Variants in CHD1L observed in about 807,000 individuals in gnomAD.
CHD1L encodes chromodomain helicase DNA binding protein 1 like, also known as ATP-dependent chromatin remodeler CHD1L.
A neutral mutation model predicts 115.9 loss-of-function variants in CHD1L; 118 were observed. The observed-to-expected ratio is 1.02, with a 90% confidence interval of 0.88 to 1.19. The LOEUF is 1.19. Among genes scored for constraint, CHD1L ranks in the 50% most tolerant of loss-of-function variants. CHD1L has a pLI of 0.00. For synonymous variants in CHD1L, 411 were observed against 387.1 expected, an observed-to-expected ratio of 1.06 and a Z score of -0.72; for missense variants, 1,179 against 1,065.3, an observed-to-expected ratio of 1.11 and a Z score of -1.49.
At chr1:147,210,869 G>A in the CHD1L span, 3 of 151,966 alleles carry the variant, frequency 2.0e-5, no homozygotes, top group Non-Finnish European at 4.4e-5. Context: ...TTTAATCAGT[G>A]TAATCTTATA....
At chr1:147,241,786 A>G (rs1272812021), upstream of CHD1L, among the ~76,000 whole-genome samples, 1 of 152,194 alleles carries the variant, frequency 6.6e-6, no homozygotes, top group African/African-American at 2.4e-5. Context: ...AGAAGGAAGC[A>G]CCAAGATTAA....
the CHD1L span, chr1:147,184,703 C>A: frequency 7.1e-7 from 1 of 1,413,212 alleles, no homozygotes; most frequent in South Asian, 1.8e-5. The surrounding 1 kb of genome is among the most constrained non-coding windows in gnomAD (Gnocchi z 4.4). Context: ...CTCAAAGGTA[C>A]ATACTATCAG....
chr1:147,191,845 G>T, the CHD1L span, among the ~76,000 whole-genome samples: 1 of 151,946 alleles, frequency 6.6e-6, no homozygotes, highest in African/African-American at 2.4e-5. Context: ...ATTTCTGAGG[G>T]CTCTGTCCTG....
rs1211794836 is a variant in CHD1L, at chr1:147,272,590, G to T, written c.1270+309G>T. ...GTGGAATGTTTCATTTACATTCAGTGGAAGTAGCTCTTCTTCCCAACCGTG... is the reference window on the plus strand; with the variant it reads ...GTGGAATGTTTCATTTACATTCAGTTGAAGTAGCTCTTCTTCCCAACCGTG... On this transcript the variant is annotated intron_variant, in intron 12 of 22. Coordinates refer to ENST00000369258, the MANE Select transcript of CHD1L (RefSeq NM_004284.6). The T allele has an allele frequency of 2.5e-5, 5 of 197,732 alleles. No homozygotes were observed. In the Admixed American group the frequency reaches 3.0e-4, roughly 12 times the overall value. The allele number at this position is 197,732 out of a possible 1,614,324, so 12.2% of individuals were successfully genotyped here. A position where few individuals can be genotyped will look rare whatever the true frequency, so the allele number is the denominator to read the frequency against.
chr1:147,271,094 A>C (rs1481422443), intron 11 of CHD1L, 89 bp downstream of exon 11: 2 of 1,120,450 alleles, frequency 1.8e-6, no homozygotes, highest in Non-Finnish European at 2.7e-6. Flanking sequence ...GGATATGAGA[A>C]TATTACAAAG....
rs1686385263 is a variant in CHD1L, at chr1:147,293,539, A to T, written c.2392-69A>T. On this transcript the variant is annotated intron_variant, in intron 20 of 22. Coordinates refer to ENST00000369258, the MANE Select transcript of CHD1L (RefSeq NM_004284.6). ...ACCCATCAAGGGCTGTGCCGCCTCC[A>T]TGGGCGGTCACTTGGTTGAGTGTGG... is the stretch of plus-strand genomic sequence containing the variant. 13 of 1,339,078 alleles carry T rather than the reference A, an allele frequency of 9.7e-6. No homozygotes were observed. In the South Asian group the frequency reaches 1.5e-4, roughly 16 times the overall value. 82.9% of individuals were successfully genotyped at this position (1,339,078 alleles called of 1,614,324 possible).
At position 147,266,092 on chromosome 1, in the gene CHD1L, T is replaced by C; in HGVS notation, c.895+5T>C. The C allele has an allele frequency of 6.2e-7, 1 of 1,605,898 alleles. No individual in the cohort carries two copies. Among genetic ancestry groups the C allele is most frequent in the Non-Finnish European group, 8.5e-7 (1 of 1,177,004 alleles). On this transcript the variant is annotated splice_donor_5th_base_variant and intron_variant, in intron 8 of 22. Transcript: ENST00000369258. ...CCATTTTGATGAAAGACCTAGGTAA[T>C]CAGAGGGCACTTGTCCATTTAGAAA...
Position 147,275,365 on chromosome 1 carries a change from A to C in CHD1L, c.1282A>C (p.Met428Leu). Reference sequence around the variant, plus strand: ...TGCATTGTTTTCAGGTGGAGTTGGCATGAACTTAACAGCAGCAGATACTGT... The same window carrying C: ...TGCATTGTTTTCAGGTGGAGTTGGCCTGAACTTAACAGCAGCAGATACTGT... ...LLSTRAGGVGMNLTAADTVIF... is the reference protein window; with the variant it reads ...LLSTRAGGVGLNLTAADTVIF... The change falls in exon 13 of 23, where the codon ATG (methionine) becomes CTG (leucine). Residue 428 changes from methionine (M) to leucine (L), a missense_variant. By Grantham distance (15) the Met-to-Leu change is conservative (BLOSUM62 2). Coordinates refer to ENST00000369258, the MANE Select transcript of CHD1L (RefSeq NM_004284.6). 1 of 1,613,762 alleles carries C rather than the reference A, an allele frequency of 6.2e-7. No individual in the cohort carries two copies. The highest frequency in any genetic ancestry group is 8.5e-7 in the Non-Finnish European group (1 of 1,179,662).
chr1:147,261,146 C>G (rs1298777352), intron 6 of CHD1L, among the ~76,000 whole-genome samples: 1 of 152,216 alleles, frequency 6.6e-6, no homozygotes, highest in Admixed American at 6.5e-5. Context: ...GGGGCCCCCT[C>G]TATCCCTGGT....
the CHD1L span, among the ~76,000 whole-genome samples, chr1:147,182,250 A>T: frequency 6.6e-6 from 1 of 152,196 alleles, no homozygotes; most frequent in Non-Finnish European, 1.5e-5. Context: ...TGAAAATGTT[A>T]TGTGGAACTT....
rs1383267921 is a variant in CHD1L, at chr1:147,270,983, C to T, written c.1137C>T (p.Leu379=). Residue 379 remains leucine (L), a synonymous_variant, in exon 11 of 23, where the codon CTC becomes CTT. Transcript: ENST00000369258. ...FSQMTQMLDI[L]QDYMDYRGYS... is the part of the protein sequence containing the mutation. ...AAATGACCCAGATGTTGGATATTCT[C>T]CAAGACTATATGGATTACAGAGGTG... The T allele has an allele frequency of 3.7e-6, 6 of 1,613,918 alleles. No homozygotes were observed. The highest frequency in any genetic ancestry group is 4.2e-6 in the Non-Finnish European group (5 of 1,179,918).
chr1:147,264,633 C>T (rs1248751026), intron 7 of CHD1L, 49 bp downstream of exon 7: 4 of 1,587,792 alleles, frequency 2.5e-6, no homozygotes, highest in Non-Finnish European at 3.4e-6. Context: ...GGCACAGAAA[C>T]CATCCTCATG....
the CHD1L span, among the ~76,000 whole-genome samples, chr1:147,187,510 G>C: frequency 6.6e-6 from 1 of 152,144 alleles, no homozygotes; most frequent in African/African-American, 2.4e-5. Flanking sequence ...AAAGAGAGCT[G>C]TAATCGTTAG....
chr1:147,242,656 G>C (rs782028549), upstream of CHD1L: 2 of 1,259,998 alleles, frequency 1.6e-6, no homozygotes, highest in African/African-American at 1.5e-5. Context: ...GGGAAGTTGG[G>C]AGGGAGGTGC....
chr1:147,175,440 C>G, the CHD1L span: 1 of 152,202 alleles, frequency 6.6e-6, no homozygotes, highest in East Asian at 1.9e-4. Flanking sequence ...CTATAACCTT[C>G]ACGTGTCAAG....
In CHD1L at chr1:147,287,653, G is replaced by A. The variant is rs1045551687; in HGVS notation, c.2240G>A (p.Gly747Asp). The change falls in exon 19 of 23, where the codon GGC becomes GAC. Residue 747 changes from glycine to aspartate, a missense_variant. Gly to Asp is a moderately conservative substitution (Grantham distance 94). Coordinates refer to ENST00000369258, the MANE Select transcript of CHD1L (RefSeq NM_004284.6). ...VHCVDDSGHW[G>D]RGGLFTALEK... The stretch of plus-strand genomic sequence containing the variant: ...CAAACAGATGACTCTGGCCACTGGG[G>A]CAGAGGTGGTTTATTTACAGCTCTG... 2.0e-5 allele frequency: 33 copies of A among 1,613,778 alleles called. No individual in the cohort carries two copies. The highest frequency in any genetic ancestry group is 2.7e-5 in the Non-Finnish European group (32 of 1,179,900).
At chr1:147,213,568 T>C in the CHD1L span, 2 of 1,004,124 alleles carry the variant, frequency 2.0e-6, no homozygotes, top group Non-Finnish European at 2.8e-6. Context: ...TATCACATAA[T>C]AGGACCCATG....
At chr1:147,272,052 G>C (rs1332426022) in intron 11 of CHD1L, 119 bp from the exon 12 acceptor site, 3 of 660,312 alleles carry the variant, frequency 4.5e-6, no homozygotes, top group Non-Finnish European at 7.8e-6. Flanking sequence ...GCTTAAAGTA[G>C]GGCTGTGCCT....
chr1:147,178,198 G>A, the CHD1L span: 49,561 of 1,612,726 alleles, frequency 0.031, 1,063 homozygotes, highest in South Asian at 0.081. Context: ...CGACGTGCTA[G>A]GACTCAGGGA....
Sources: gnomAD v4.1 joint callset for allele counts (sites outside exome capture counted in the v4.1 genomes callset) on GRCh38, gnomAD v4.1.1 for gene constraint, Gnocchi (gnomAD v3.1) non-coding constraint, MANE v1.5 for transcripts, NCBI Gene and HGNC (gene_info 2026-07-23, HGNC 2026-07-21) for gene names.